The following ERICH1 variants were observed in gnomAD, a reference collection of about 807,000 sequenced individuals.
ERICH1 encodes glutamate rich 1.
Under a neutral mutation model 39.6 loss-of-function variants are expected in ERICH1, and 56 were observed. The ratio of observed to expected loss-of-function variants is 1.41; its 90% CI spans 1.14 to 1.77. The LOEUF (loss-of-function observed/expected upper bound fraction) is 1.77, where lower values mean the gene tolerates loss of function less well. Ranked by LOEUF, ERICH1 falls within the 40% of genes most tolerant of loss-of-function variation. ERICH1 has a pLI of 0.00. For missense variants in ERICH1, 826 were observed against 575.4 expected (o/e 1.44, Z -4.45); for synonymous variants, 313 against 223.6 (o/e 1.40, Z -3.57).
chr8:683,498 T>TG lies in ERICH1; in HGVS notation c.304+8979dup, dbSNP rs537046423. Among the ~76,000 whole-genome samples, 43 of 152,280 alleles carry TG rather than the reference T, an allele frequency of 2.8e-4. No individual in the cohort carries two copies. In the East Asian group the frequency reaches 8.1e-3, roughly 29 times the overall value. On this transcript the variant is annotated intron_variant, in intron 3 of 5. Transcript: ENST00000262109. ...AGAGTTCCCTGTCACTTTAAAAAAA[T>TG]GGATTCTCGCTCTCTCTCTCTTAAT...
chr8:634,880 G>C (rs1463413644), intron 3 of ERICH1, among the ~76,000 whole-genome samples: 7 of 152,196 alleles, frequency 4.6e-5, no homozygotes, highest in Non-Finnish European at 1.5e-5. Flanking sequence ...TCTCCTTCCA[G>C]GAATCAGGTA....
At chr8:662,153 G>A (rs906676036), downstream of ERICH1, among the ~76,000 whole-genome samples, 2 of 152,304 alleles carry the variant, frequency 1.3e-5, no homozygotes, top group African/African-American at 2.4e-5. Flanking sequence ...ACCATCCCCT[G>A]CAAGGGCAGG....
At chr8:647,635 C>T (rs1359526927) in intron 3 of ERICH1, among the ~76,000 whole-genome samples, 2 of 67,144 alleles carry the variant, frequency 3.0e-5, no homozygotes, top group Admixed American at 2.5e-4. Context: ...GAATGGGTCA[C>T]AGGTGACCCG....
intron 1 of ERICH1, among the ~76,000 whole-genome samples, chr8:730,494 G>T (rs538897561): frequency 2.1e-4 from 32 of 152,308 alleles, no homozygotes; most frequent in African/African-American, 7.7e-4. Flanking sequence ...ATGATTACAC[G>T]GTGAGGGTAA....
At chr8:720,127 T>C (rs7821156) in intron 1 of ERICH1, among the ~76,000 whole-genome samples, 149,877 of 152,330 alleles carry the variant, frequency 0.98, 73,780 homozygotes, top group Middle Eastern at 1. Context: ...TGAAAATCAC[T>C]GACTGCTCTG....
intron 2 of ERICH1, among the ~76,000 whole-genome samples, chr8:709,572 T>C (rs2132287099): frequency 1.3e-5 from 2 of 152,350 alleles, no homozygotes; most frequent in South Asian, 4.1e-4. Flanking sequence ...TTTTGACTTT[T>C]AATTCAACAT....
chr8:687,547 GGA>G (rs1178737501), intron 3 of ERICH1, among the ~76,000 whole-genome samples: 1 of 152,228 alleles, frequency 6.6e-6, no homozygotes, highest in Non-Finnish European at 1.5e-5. Flanking sequence ...GGGGCGCAGG[GGA>G]GAGGCGGGAA....
chr8:697,988 G>C (rs1351856210), intron 2 of ERICH1, among the ~76,000 whole-genome samples: 2 of 152,136 alleles, frequency 1.3e-5, no homozygotes, highest in Non-Finnish European at 2.9e-5. Context: ...CTGGGCCCAG[G>C]TTGGAGAGCT....
intron 3 of ERICH1, chr8:627,107 C>T: frequency 2.2e-6 from 1 of 456,228 alleles, no homozygotes; most frequent in South Asian, 1.5e-5. Context: ...CCCTAGACAC[C>T]TGCATCAGTC....
At chr8:699,722 CAG>C (rs1181645508) in intron 2 of ERICH1, among the ~76,000 whole-genome samples, 2 of 147,170 alleles carry the variant, frequency 1.4e-5, no homozygotes, top group Middle Eastern at 3.3e-3. Flanking sequence ...CACACGTGCA[CAG>C]ACTCACAGGC....
chr8:652,282 C>T (rs1800070643), intron 3 of ERICH1, among the ~76,000 whole-genome samples: 1 of 152,212 alleles, frequency 6.6e-6, no homozygotes, highest in African/African-American at 2.4e-5. Flanking sequence ...AGAAGCTGTT[C>T]TACAAGAGCA....
At chr8:632,502 G>T (rs1798106369) in intron 3 of ERICH1, among the ~76,000 whole-genome samples, 1 of 152,090 alleles carries the variant, frequency 6.6e-6, no homozygotes, top group Non-Finnish European at 1.5e-5. Context: ...ATCTTTATAA[G>T]AACAAATTTA....
At chr8:624,689 G>A (rs1797496572) in intron 3 of ERICH1, among the ~76,000 whole-genome samples, 1 of 151,842 alleles carries the variant, frequency 6.6e-6, no homozygotes, top group East Asian at 1.9e-4. Context: ...TAAAGGGGGA[G>A]GCGCTACACA....
chr8:686,008 A>T (rs1363050608), intron 3 of ERICH1, among the ~76,000 whole-genome samples: 1 of 151,832 alleles, frequency 6.6e-6, no homozygotes, highest in Non-Finnish European at 1.5e-5. Context: ...AAAAAAAAAA[A>T]AAATAGCTTG....
intron 3 of ERICH1, among the ~76,000 whole-genome samples, chr8:674,886 C>G (rs944668852): frequency 6.6e-6 from 1 of 152,152 alleles, no homozygotes; most frequent in South Asian, 2.1e-4. Context: ...ATAACCAGCT[C>G]TCGGAAAAGT....
intron 3 of ERICH1, chr8:656,946 T>C: frequency 1.4e-6 from 1 of 695,588 alleles, no homozygotes; most frequent in Non-Finnish European, 1.8e-6. Flanking sequence ...AAATAATGCA[T>C]TTTAGTGCAA....
chr8:656,330 C>T (rs532803819), intron 3 of ERICH1, among the ~76,000 whole-genome samples: 14 of 152,298 alleles, frequency 9.2e-5, no homozygotes, highest in South Asian at 2.1e-4. Context: ...GGTGAGGCTT[C>T]GGGACTCTCC....
At chr8:616,083 C>T (rs12678091) in intron 3 of ERICH1, 35,339 of 162,876 alleles carry the variant, frequency 0.22, 4,161 homozygotes, top group East Asian at 0.5. Context: ...CAGCAATGTG[C>T]AAGAGAAGAA....
At chr8:665,303 C>G (rs1354941366) in intron 5 of ERICH1, among the ~76,000 whole-genome samples, 1 of 152,228 alleles carries the variant, frequency 6.6e-6, no homozygotes, top group Non-Finnish European at 1.5e-5. Context: ...CGGCTCCAAC[C>G]TCTGAGCCCG....
Sources: allele counts gnomAD v4.1 joint callset (sites outside exome capture counted in the v4.1 genomes callset), GRCh38; gene constraint gnomAD v4.1.1; transcripts MANE v1.5; gene names NCBI Gene and HGNC (gene_info 2026-07-23, HGNC 2026-07-21).